Variants in ELOVL5 observed in about 807,000 individuals in gnomAD.
The protein encoded by ELOVL5 is ELOVL fatty acid elongase 5, also known as very long chain fatty acid elongase 5.
In ELOVL5, 8 loss-of-function variants were observed where a neutral mutation model predicts 38.6. That is an observed-to-expected ratio of 0.21 (90% CI 0.12 to 0.37). The LOEUF (loss-of-function observed/expected upper bound fraction) is 0.37, where lower values mean the gene tolerates loss of function less well. Among genes scored for constraint, ELOVL5 ranks in the 10% least tolerant of loss-of-function variants. The pLI is 1.00. For synonymous variants in ELOVL5, 127 were observed against 133.7 expected (o/e 0.95, Z 0.34); for missense variants, 280 against 367.8 (o/e 0.76, Z 1.95).
intron 3 of ELOVL5, among the ~76,000 whole-genome samples, chr6:53,282,462 G>C (rs1192238890): frequency 1.3e-5 from 2 of 152,204 alleles, no homozygotes; most frequent in Non-Finnish European, 2.9e-5. Context: ...CCTGGGTGTG[G>C]GTGAGGAATG....
chr6:53,273,603 C>T (rs888724240), intron 5 of ELOVL5, among the ~76,000 whole-genome samples: 7 of 152,232 alleles, frequency 4.6e-5, no homozygotes, highest in South Asian at 2.1e-4. Flanking sequence ...ACTGAAGCCA[C>T]GACGCCATCC....
chr6:53,346,448 A>C (rs1182424879), intron 1 of ELOVL5, among the ~76,000 whole-genome samples: 1 of 152,202 alleles, frequency 6.6e-6, no homozygotes, highest in African/African-American at 2.4e-5. Flanking sequence ...AGGTGTTATA[A>C]GAATTACGTG....
At chr6:53,303,275 A>T (rs564013154) in intron 1 of ELOVL5, among the ~76,000 whole-genome samples, 1 of 152,328 alleles carries the variant, frequency 6.6e-6, no homozygotes, top group Non-Finnish European at 1.5e-5. Context: ...TTAGAAATGA[A>T]AGTAACTTGA....
intron 1 of ELOVL5, among the ~76,000 whole-genome samples, chr6:53,325,371 A>T (rs209504): frequency 0.53 from 80,588 of 152,070 alleles, 22,541 homozygotes; most frequent in Non-Finnish European, 0.61. Flanking sequence ...TCCAAATGTC[A>T]TTTTTTAAAA....
intron 5 of ELOVL5, among the ~76,000 whole-genome samples, chr6:53,273,594 C>T (rs1448289811): frequency 6.6e-6 from 1 of 152,220 alleles, no homozygotes; most frequent in South Asian, 2.1e-4. Flanking sequence ...GCATCTGACA[C>T]TGAAGCCACG....
chr6:53,269,498 C>A (rs1004911791), intron 7 of ELOVL5, among the ~76,000 whole-genome samples: 1 of 152,008 alleles, frequency 6.6e-6, no homozygotes, highest in Admixed American at 6.6e-5. Flanking sequence ...GAATCACAGG[C>A]TGCAACAGAA....
At chr6:53,274,956 T>C in intron 5 of ELOVL5, 134 bp downstream of exon 5, 1 of 859,938 alleles carries the variant, frequency 1.2e-6, no homozygotes, top group Non-Finnish European at 1.8e-6. Context: ...TAAACTATCA[T>C]TAAAAGCAAC....
chr6:53,324,456 G>T (rs1004215461), intron 1 of ELOVL5, among the ~76,000 whole-genome samples: 14 of 151,630 alleles, frequency 9.2e-5, no homozygotes, highest in African/African-American at 3.4e-4. Flanking sequence ...CAGGCAGATC[G>T]TTTGAGCCCA....
chr6:53,315,448 G>C (rs1402592131), intron 1 of ELOVL5, among the ~76,000 whole-genome samples: 1 of 152,168 alleles, frequency 6.6e-6, no homozygotes, highest in Non-Finnish European at 1.5e-5. Context: ...ACGAATGACT[G>C]TTTACAGAGT....
chr6:53,268,980 G>T lies in ELOVL5; in HGVS notation c.*147C>A. On this transcript the variant is annotated 3_prime_UTR_variant, in exon 8 of 8. Coordinates refer to ENST00000304434, the MANE Select transcript of ELOVL5 (RefSeq NM_021814.5). ...TATATAATCTGTATACGTTTTCTAG[G>T]GGTTTTGAATTGATGAAAGAAGTCC... is the stretch of plus-strand genomic sequence containing the variant. 1.1e-6 allele frequency: 1 copy of T among 879,168 alleles called. No homozygotes were observed. Among genetic ancestry groups the T allele is most frequent in the Non-Finnish European group, 1.8e-6 (1 of 571,054 alleles). 54.5% of individuals were successfully genotyped at this position (879,168 alleles called of 1,614,324 possible).
chr6:53,287,027 T>C (rs1766597875), intron 3 of ELOVL5, among the ~76,000 whole-genome samples: 1 of 152,186 alleles, frequency 6.6e-6, no homozygotes, highest in Admixed American at 6.5e-5. Context: ...ATAATTTTAT[T>C]TTAAATATTT....
At chr6:53,329,816 T>A (rs969154141) in intron 1 of ELOVL5, among the ~76,000 whole-genome samples, 1 of 152,138 alleles carries the variant, frequency 6.6e-6, no homozygotes. Context: ...AGAGCAAGAC[T>A]TCGTCTCAGA....
At chr6:53,302,715 T>C (rs1438010302) in intron 1 of ELOVL5, among the ~76,000 whole-genome samples, 1 of 144,998 alleles carries the variant, frequency 6.9e-6, no homozygotes, top group Non-Finnish European at 1.5e-5. Flanking sequence ...AACCAGGCTG[T>C]TTGCTGACTC....
intron 1 of ELOVL5, among the ~76,000 whole-genome samples, chr6:53,313,242 G>A (rs1446513035): frequency 6.6e-6 from 1 of 152,234 alleles, no homozygotes; most frequent in Middle Eastern, 3.2e-3. Context: ...CTGTAGATGA[G>A]CAGGCACAGA....
At chr6:53,347,717 A>G (rs939216805) in intron 1 of ELOVL5, among the ~76,000 whole-genome samples, 1 of 151,032 alleles carries the variant, frequency 6.6e-6, no homozygotes, top group African/African-American at 2.4e-5. Context: ...TCCGAAAGAG[A>G]CCCCCCGCCC....
rs763841620 is a variant in ELOVL5, at chr6:53,270,678, G to A, written c.671C>T (p.Pro224Leu). 8 of 1,614,102 alleles carry A rather than the reference G, an allele frequency of 5.0e-6. No homozygotes were observed. The highest frequency in any genetic ancestry group is 6.8e-6 in the Non-Finnish European group (8 of 1,180,004). Residue 224 changes from proline (P) to leucine (L), a missense_variant, in exon 7 of 8, where the codon CCG (proline) becomes CTG (leucine). Pro to Leu is a moderately conservative substitution (Grantham distance 98). Transcript: ENST00000304434. ...IIQTSCGVIW[P>L]CTFPLGWLYF... ...CAACCAACCAAGAGGGAATGTGCAC[G>A]GCCAGATGACCCCGCAGCTGGTCTG... is the stretch of plus-strand genomic sequence containing the variant.
intron 2 of ELOVL5, chr6:53,294,192 C>G: frequency 6.8e-7 from 1 of 1,468,664 alleles, no homozygotes; most frequent in Non-Finnish European, 9.0e-7. Context: ...CACAGTGCTT[C>G]CCGGGCACCT....
At chr6:53,341,596 C>T (rs1207845191) in intron 1 of ELOVL5, among the ~76,000 whole-genome samples, 1 of 152,180 alleles carries the variant, frequency 6.6e-6, no homozygotes, top group African/African-American at 2.4e-5. Flanking sequence ...ACATGTTGAA[C>T]ACTTCAGAAA....
chr6:53,273,373 G>C, intron 5 of ELOVL5, 29 bp from the exon 6 acceptor site: 1 of 1,604,308 alleles, frequency 6.2e-7, no homozygotes, highest in East Asian at 2.2e-5. Flanking sequence ...TTGGGAAGGA[G>C]AATGTATTAG....
Sources: allele counts gnomAD v4.1 joint callset (sites outside exome capture counted in the v4.1 genomes callset), GRCh38; gene constraint gnomAD v4.1.1; transcripts MANE v1.5; gene names NCBI Gene and HGNC (gene_info 2026-07-23, HGNC 2026-07-21).